Variants in SMYD2 observed in about 807,000 individuals in gnomAD.
SMYD2 encodes the protein N-lysine methyltransferase SMYD2.
SMYD2 carries 53 observed loss-of-function variants against 59.1 expected under a neutral mutation model. That is an observed-to-expected ratio of 0.90 (90% CI 0.72 to 1.13). SMYD2 has a LOEUF of 1.13. SMYD2 is among the 50% of genes most tolerant of loss of function. SMYD2 has a pLI of 0.00. For synonymous variants in SMYD2, 208 were observed against 198.8 expected (o/e 1.05, Z -0.39); for missense variants, 494 against 544.7 (o/e 0.91, Z 0.93).
At chr1:214,319,868 G>T (rs1657142487) in intron 5 of SMYD2, among the ~76,000 whole-genome samples, 1 of 152,234 alleles carries the variant, frequency 6.6e-6, no homozygotes, top group Non-Finnish European at 1.5e-5. Context: ...GTGTAAAAGA[G>T]ATGAAGTGGA....
At chr1:214,292,037 C>A (rs541660075) in intron 1 of SMYD2, among the ~76,000 whole-genome samples, 5 of 151,670 alleles carry the variant, frequency 3.3e-5, no homozygotes, top group Non-Finnish European at 5.9e-5. Flanking sequence ...TAATTGATTT[C>A]TGCACATGTT....
intron 1 of SMYD2, among the ~76,000 whole-genome samples, chr1:214,285,419 C>A (rs1656520834): frequency 6.6e-6 from 1 of 152,182 alleles, no homozygotes. Flanking sequence ...CTCTGGCTCT[C>A]CTGAGAATGC....
chr1:214,281,498 C>G (rs1201606154), intron 1 of SMYD2, 71 bp downstream of exon 1: 1 of 1,231,846 alleles, frequency 8.1e-7, no homozygotes, highest in African/African-American at 1.6e-5. Context: ...ACGGCGGCGC[C>G]AGGAAGTGCG....
intron 1 of SMYD2, among the ~76,000 whole-genome samples, chr1:214,288,938 C>CTTTTTTTTTTTT (rs10660642): frequency 7.3e-6 from 1 of 136,730 alleles, no homozygotes; most frequent in African/African-American, 2.7e-5. Context: ...AGCCCATAGT[C>CTTTTTTTTTTTT]TTTTTTTTTT....
At chr1:214,285,696 A>ATGT (rs35091922) in intron 1 of SMYD2, among the ~76,000 whole-genome samples, 51,362 of 151,878 alleles carry the variant, frequency 0.34, 9,384 homozygotes, top group African/African-American at 0.47. Flanking sequence ...CAAGGTTTCC[A>ATGT]TGTACATTAA....
intron 2 of SMYD2, among the ~76,000 whole-genome samples, chr1:214,308,542 G>A (rs201695033): frequency 6.6e-6 from 1 of 152,190 alleles, no homozygotes; most frequent in East Asian, 1.9e-4. Flanking sequence ...CTGCTTAAAG[G>A]ATAAAACGTG....
chr1:214,299,465 T>TATATATATAAATATATATATATA (rs1553254476), intron 1 of SMYD2, among the ~76,000 whole-genome samples: 1 of 71,612 alleles, frequency 1.4e-5, no homozygotes, highest in Non-Finnish European at 2.9e-5. Flanking sequence ...AAAGAAAACA[T>TATATATATAAATATATATATATA]TATATATATA....
intron 7 of SMYD2, among the ~76,000 whole-genome samples, chr1:214,328,557 A>C (rs1657298684): frequency 6.6e-6 from 1 of 152,178 alleles, no homozygotes; most frequent in African/African-American, 2.4e-5. Flanking sequence ...AAGACACATG[A>C]GTTTTTAGGA....
intron 1 of SMYD2, among the ~76,000 whole-genome samples, chr1:214,303,169 GA>G (rs1180890968): frequency 6.6e-6 from 1 of 152,104 alleles, no homozygotes; most frequent in Non-Finnish European, 1.5e-5. Flanking sequence ...AAATATTAAA[GA>G]TGACTTTTTG....
rs546545455 is a variant in SMYD2, at chr1:214,333,146, T to C, written c.1112+954T>C. The C allele has an allele frequency of 9.4e-4, 144 of 152,442 alleles. 1 individual carries two copies. Among genetic ancestry groups the C allele is most frequent in the Middle Eastern group, 6.8e-3 (2 of 296 alleles). The allele number at this position is 152,442 out of a possible 1,614,324, so 9.4% of individuals were successfully genotyped here. ...GCCCAAAGGAAGCCAGCTCTTAAAA[T>C]CTGCTCTTGGAAACAGAATTTGTTA... On this transcript the variant is annotated intron_variant, in intron 10 of 11. Coordinates refer to ENST00000366957, the MANE Select transcript of SMYD2 (RefSeq NM_020197.3).
intron 2 of SMYD2, among the ~76,000 whole-genome samples, chr1:214,310,127 C>G (rs1656976256): frequency 6.6e-6 from 1 of 152,240 alleles, no homozygotes; most frequent in Non-Finnish European, 1.5e-5. Context: ...AACATATTTG[C>G]TCAGCAGAAA....
chr1:214,333,117 G>A (rs930621058), intron 10 of SMYD2: 10 of 152,286 alleles, frequency 6.6e-5, no homozygotes, highest in African/African-American at 2.2e-4. Context: ...AGCCAGCAGG[G>A]GGAGCCCAAA....
intron 1 of SMYD2, among the ~76,000 whole-genome samples, chr1:214,292,738 A>C (rs889825630): frequency 6.6e-6 from 1 of 152,004 alleles, no homozygotes; most frequent in African/African-American, 2.4e-5. Flanking sequence ...CAAGTTCCCT[A>C]CTAAGTGCCC....
intron 2 of SMYD2, among the ~76,000 whole-genome samples, chr1:214,308,501 G>A (rs1254580648): frequency 6.6e-6 from 1 of 152,202 alleles, no homozygotes; most frequent in Non-Finnish European, 1.5e-5. Context: ...TCGGCTTAAG[G>A]GAGTGCTTGC....
At chr1:214,308,883 A>T (rs927148965) in intron 2 of SMYD2, among the ~76,000 whole-genome samples, 1 of 152,144 alleles carries the variant, frequency 6.6e-6, no homozygotes, top group Non-Finnish European at 1.5e-5. Context: ...GGGAGAAGTG[A>T]GGGCCCTCTA....
At chr1:214,314,654 A>ACACT in intron 2 of SMYD2, 108 bp from the exon 3 acceptor site, 1 of 741,700 alleles carries the variant, frequency 1.3e-6, no homozygotes, top group Non-Finnish European at 2.3e-6. Context: ...CCAAAAGGAA[A>ACACT]CATATTTTAC....
chr1:214,289,869 C>T (rs1317502686), intron 1 of SMYD2, among the ~76,000 whole-genome samples: 1 of 152,220 alleles, frequency 6.6e-6, no homozygotes, highest in Admixed American at 6.5e-5. Context: ...TCCTTTGCCT[C>T]TCAGGAACTT....
chr1:214,334,124 G>A (rs1558059172), intron 10 of SMYD2, 76 bp from the exon 11 acceptor site: 4 of 1,375,622 alleles, frequency 2.9e-6, no homozygotes, highest in African/African-American at 1.4e-5. Flanking sequence ...GGCAGCCTCC[G>A]GCTTACTGCA....
At position 214,335,263 on chromosome 1, in the gene SMYD2, G is replaced by C. The variant is rs536817816; in HGVS notation, c.1221+955G>C. On this transcript the variant is annotated intron_variant, in intron 11 of 11. Transcript: ENST00000366957. ...AATAGAAGGGTCAGGGCACAGCCAG[G>C]CTGGAAGGGAGCACAGAACAAAATT... Among the ~76,000 whole-genome samples, 135 of 152,368 alleles carry C rather than the reference G, an allele frequency of 8.9e-4. 2 individuals are homozygous for C. The highest frequency in any genetic ancestry group is 7.2e-4 in the Admixed American group (11 of 15,308).
Sources: gnomAD v4.1 joint callset for allele counts (sites outside exome capture counted in the v4.1 genomes callset) on GRCh38, gnomAD v4.1.1 for gene constraint, MANE v1.5 for transcripts, NCBI Gene and HGNC (gene_info 2026-07-23, HGNC 2026-07-21) for gene names.